ACACB: variants seen among roughly 807,000 people sequenced by gnomAD.
ACACB encodes the protein acetyl-CoA carboxylase beta.
ACACB carries 209 observed loss-of-function variants against 278.8 expected under a neutral mutation model. The observed-to-expected ratio is 0.75, with a 90% confidence interval of 0.67 to 0.84. The LOEUF (loss-of-function observed/expected upper bound fraction) is 0.84. Among genes scored for constraint, ACACB ranks in the 40% least tolerant of loss-of-function variants. ACACB has a pLI of 0.00. For synonymous variants in ACACB, 1,174 were observed against 1,285.6 expected (o/e 0.91, Z 1.86); for missense variants, 2,850 against 3,269.0 (o/e 0.87, Z 3.13).
Position 109,188,195 on chromosome 12 carries a change from TTCC to T in ACACB, c.2144+35_2144+37del. ...TCTCCTTCCTTCCTTCCTTCCTTCC[TTCC>T]TTCCTTCCTTCCTTCCTTCCTTCCT... On this transcript the variant is annotated intron_variant, in intron 13 of 52. Coordinates refer to ENST00000338432, the MANE Select transcript of ACACB (RefSeq NM_001093.4). The T allele has an allele frequency of 2.6e-6, 3 of 1,167,446 alleles. No individual in the cohort carries two copies. In the South Asian group the frequency reaches 4.4e-5, roughly 17 times the overall value. 72.3% of individuals were successfully genotyped at this position (1,167,446 alleles called of 1,614,324 possible).
chr12:109,213,038 T>C, intron 22 of ACACB, 102 bp downstream of exon 22: 1 of 955,226 alleles, frequency 1.0e-6, no homozygotes, highest in Non-Finnish European at 1.7e-6. Flanking sequence ...AGGCTTGAAC[T>C]GAGAGAAAGT....
At chr12:109,187,969 T>G (rs751448162) in intron 12 of ACACB, 30 bp from the exon 13 acceptor site, 9 of 1,578,528 alleles carry the variant, frequency 5.7e-6, no homozygotes, top group Non-Finnish European at 6.9e-6. Context: ...AATGATTTCT[T>G]CCATTTTGCA....
intron 2 of ACACB, among the ~76,000 whole-genome samples, chr12:109,166,649 C>CAAAAAAAAAAAAAAAAAA (rs869303420): frequency 1.2e-4 from 3 of 25,062 alleles, no homozygotes; most frequent in Non-Finnish European, 1.9e-4. Flanking sequence ...GATCCCGTCT[C>CAAAAAAAAAAAAAAAAAA]AAAAAAAAAA....
rs1362907647 is a variant in ACACB at position 109,228,959 on chromosome 12, T to C, written c.4001+1470T>C. Among the ~76,000 whole-genome samples, 4 of 152,222 alleles carry C rather than the reference T, an allele frequency of 2.6e-5. No homozygotes were observed. In the East Asian group the frequency reaches 7.7e-4, roughly 29 times the overall value. ...TCTGCTCAGTGCTCCCACACTCTTTTATTTATTTATTTTTTTTGAGATGGA... is the reference window on the plus strand; with the variant it reads ...TCTGCTCAGTGCTCCCACACTCTTTCATTTATTTATTTTTTTTGAGATGGA... On this transcript the variant is annotated intron_variant, in intron 28 of 52. Transcript: ENST00000338432.
intron 2 of ACACB, among the ~76,000 whole-genome samples, chr12:109,158,104 T>C (rs1366262027): frequency 6.6e-6 from 1 of 152,164 alleles, no homozygotes; most frequent in African/African-American, 2.4e-5. Context: ...CAGAATCTTA[T>C]AAAGTTTTTC....
At chr12:109,222,704 G>A in intron 25 of ACACB, 84 bp downstream of exon 25, 1 of 1,519,380 alleles carries the variant, frequency 6.6e-7, no homozygotes, top group Non-Finnish European at 9.1e-7. Context: ...CCCTCACCAT[G>A]CACAGTCCCA....
rs2047108599 is a variant in ACACB at position 109,252,030 on chromosome 12, G to A, written c.5791-16G>A. 10 of 1,594,794 alleles carry A rather than the reference G, an allele frequency of 6.3e-6. No individual in the cohort carries two copies. Among genetic ancestry groups the A allele is most frequent in the Non-Finnish European group, 8.6e-6 (10 of 1,168,348 alleles). On this transcript the variant is annotated splice_polypyrimidine_tract_variant and intron_variant, in intron 41 of 52. Coordinates refer to ENST00000338432, the MANE Select transcript of ACACB (RefSeq NM_001093.4). ...TCGCCACTCTCCAGAATTCAGAGGG[G>A]GTCCTCTCTCCACAGGTGACCTGCC...
At position 109,246,076 on chromosome 12, in the gene ACACB, C is replaced by T. The variant is rs1261701221; in HGVS notation, c.5302-103C>T. ...CTGCACTCTGGCCTGCGCAACAGAG[C>T]AAGACCCTGTATCTAAAAAAAATAA... On this transcript the variant is annotated intron_variant, in intron 38 of 52. Coordinates refer to ENST00000338432, the MANE Select transcript of ACACB (RefSeq NM_001093.4). 5.3e-6 allele frequency: 7 copies of T among 1,326,592 alleles called. No homozygotes were observed. In the East Asian group the frequency reaches 1.8e-4, roughly 34 times the overall value. 82.2% of individuals were successfully genotyped at this position (1,326,592 alleles called of 1,614,324 possible). A position where few individuals can be genotyped will look rare whatever the true frequency, so the allele number is the denominator to read the frequency against.
intron 11 of ACACB, among the ~76,000 whole-genome samples, chr12:109,180,402 C>T (rs2044426223): frequency 6.6e-6 from 1 of 152,158 alleles, no homozygotes; most frequent in African/African-American, 2.4e-5. Flanking sequence ...AAATATACCA[C>T]ATACCTGTTT....
intron 19 of ACACB, among the ~76,000 whole-genome samples, chr12:109,203,679 CCACCAGGGGGTG>C (rs1467002789): frequency 1.3e-5 from 2 of 152,222 alleles, no homozygotes; most frequent in Admixed American, 6.5e-5. Context: ...GTCCTCAGGA[CCACCAGGGGGTG>C]CACCAGAGTG....
In ACACB at chr12:109,240,538, CAAATT is replaced by C. The variant is rs1342959014; in HGVS notation, c.4819-537_4819-533del. ...AAAATAAAATATTAAGATTATTAATCAAATTAATATTAATATCGATATATTAATAT... is the reference window on the plus strand; with the variant it reads ...AAAATAAAATATTAAGATTATTAATCAATATTAATATCGATATATTAATAT... On this transcript the variant is annotated intron_variant, in intron 35 of 52. Coordinates refer to ENST00000338432, the MANE Select transcript of ACACB (RefSeq NM_001093.4). Among the ~76,000 whole-genome samples, 4 of 147,950 alleles carry C rather than the reference CAAATT, an allele frequency of 2.7e-5. No homozygotes were observed. In the Admixed American group the frequency reaches 2.7e-4, roughly 10 times the overall value.
intron 46 of ACACB, 122 bp downstream of exon 46, chr12:109,258,486 A>C (rs1450506263): frequency 1.4e-6 from 1 of 737,334 alleles, no homozygotes; most frequent in Admixed American, 2.5e-5. Context: ...GACCCAGTGC[A>C]GTCCCTGGCC....
intron 4 of ACACB, among the ~76,000 whole-genome samples, chr12:109,171,161 A>G (rs2044103088): frequency 6.7e-6 from 1 of 149,768 alleles, no homozygotes. Flanking sequence ...GCCCTATTAT[A>G]TTATTTAATG....
chr12:109,167,249 G>C (rs903377755), intron 3 of ACACB: 2 of 437,824 alleles, frequency 4.6e-6, no homozygotes, highest in African/African-American at 4.0e-5. Context: ...CTCAAAAAGT[G>C]TTAAGGGTGA....
chr12:109,146,911 G>A (rs1368311764), intron 2 of ACACB, among the ~76,000 whole-genome samples: 1 of 152,130 alleles, frequency 6.6e-6, no homozygotes, highest in African/African-American at 2.4e-5. Context: ...ATGAGCTCAA[G>A]CAATCTGCCC....
chr12:109,129,539 C>T (rs1333841334), intron 1 of ACACB, among the ~76,000 whole-genome samples: 1 of 152,228 alleles, frequency 6.6e-6, no homozygotes, highest in East Asian at 1.9e-4. Flanking sequence ...GTTGAAATAA[C>T]TGAAAAAATG....
At chr12:109,239,211 G>C (rs2046724496) in intron 34 of ACACB, among the ~76,000 whole-genome samples, 1 of 152,182 alleles carries the variant, frequency 6.6e-6, no homozygotes, top group Admixed American at 6.5e-5. Context: ...ACTGTGCCTG[G>C]CCAAGCCGTT....
At chr12:109,152,701 G>A (rs1467891282) in intron 2 of ACACB, among the ~76,000 whole-genome samples, 3 of 136,386 alleles carry the variant, frequency 2.2e-5, no homozygotes, top group Admixed American at 1.6e-4. Flanking sequence ...AGGCTGGAGT[G>A]TAGCGAGATC....
chr12:109,166,882 C>G lies in ACACB; in HGVS notation c.675C>G (p.His225Gln). Residue 225 changes from histidine (H) to glutamine (Q), a missense_variant, in exon 3 of 53, where the codon CAC becomes CAG. Around this residue, in one of 3 missense-constraint regions of ACACB, gnomAD observed 2,265 missense variants for 2,561.3 expected, o/e 0.88. Coordinates refer to ENST00000338432, the MANE Select transcript of ACACB (RefSeq NM_001093.4). ...GCAGGCCGAGCATGTCGGGACTCCACCTGGTGAAGAGGGGACGGGAACACA... is the reference window on the plus strand; with the variant it reads ...GCAGGCCGAGCATGTCGGGACTCCAGCTGGTGAAGAGGGGACGGGAACACA... ...PTMRPSMSGLHLVKRGREHKK... is the reference protein window; with the variant it reads ...PTMRPSMSGLQLVKRGREHKK... 6.2e-7 allele frequency: 1 copy of G among 1,614,038 alleles called. No individual in the cohort carries two copies. Among genetic ancestry groups the G allele is most frequent in the Non-Finnish European group, 8.5e-7 (1 of 1,180,034 alleles).
Sources: gnomAD v4.1 joint callset for allele counts (sites outside exome capture counted in the v4.1 genomes callset) on GRCh38, gnomAD v4.1.1 for gene constraint, gnomAD v4.1.1 regional missense constraint, MANE v1.5 for transcripts, NCBI Gene and HGNC (gene_info 2026-07-23, HGNC 2026-07-21) for gene names.